The following SLTM variants were observed in gnomAD, a reference collection of about 807,000 sequenced individuals.
SLTM encodes the protein SAFB like transcription modulator, also known as SAFB-like transcription modulator.
SLTM carries 43 observed loss-of-function variants against 134.6 expected under a neutral mutation model. The observed-to-expected ratio is 0.32, with a 90% CI of 0.25 to 0.41. The LOEUF is 0.41. Among genes scored for constraint, SLTM ranks in the 10% least tolerant of loss-of-function variants. The probability of loss-of-function intolerance (pLI) is 1.00; values close to 1 mark genes in which losing one functional copy is unlikely to be tolerated. For missense variants in SLTM, 1,055 were observed against 1,288.8 expected, an observed-to-expected ratio of 0.82 and a Z score of 2.78; for synonymous variants, 424 against 432.3, an observed-to-expected ratio of 0.98 and a Z score of 0.24.
In SLTM at chr15:58,887,409, T is replaced by G. The variant is rs1340027301; in HGVS notation, c.2507A>C (p.Asn836Thr). 1 of 1,614,004 alleles carries G rather than the reference T, an allele frequency of 6.2e-7. No homozygotes were observed. The highest frequency in any genetic ancestry group is 8.5e-7 in the Non-Finnish European group (1 of 1,180,036). The stretch of plus-strand genomic sequence containing the variant: ...TCGCCTGTCTGATTCTCTAAGTTCA[T>G]TTCTTGGTGGTGGAGGCTCATTTCT... Reference protein sequence around the residue: ...SRRNEPPPPRNELRESDRREV... With the variant: ...SRRNEPPPPRTELRESDRREV... The change falls in exon 18 of 21, where the codon AAT becomes ACT. Residue 836 changes from asparagine to threonine, a missense_variant. Physicochemically the swap from Asn to Thr is moderately conservative, Grantham distance 65. Transcript: ENST00000380516.
chr15:58,904,282 A>T (rs1567131545), intron 5 of SLTM, among the ~76,000 whole-genome samples: 1 of 152,318 alleles, frequency 6.6e-6, no homozygotes, highest in East Asian at 1.9e-4. Context: ...AAGTGCTGGG[A>T]TTACAGGCAT....
In SLTM at chr15:58,892,118, G is replaced by A. The variant is rs553886095; in HGVS notation, c.1898+779C>T. Among the ~76,000 whole-genome samples the A allele has an allele frequency of 1.1e-3, 175 of 152,264 alleles. 1 individual carries two copies. The highest frequency in any genetic ancestry group is 3.3e-3 in the African/African-American group (136 of 41,552). On this transcript the variant is annotated intron_variant, in intron 14 of 20. Coordinates refer to ENST00000380516, the MANE Select transcript of SLTM (RefSeq NM_024755.4). ...ATCTCTGGTAGTTCCTAACGCTGTC[G>A]TCAATGAATGGATGAAATCCCATGA...
chr15:58,914,264 G>A (rs1244126508), intron 3 of SLTM, among the ~76,000 whole-genome samples: 1 of 152,188 alleles, frequency 6.6e-6, no homozygotes, highest in Non-Finnish European at 1.5e-5. Flanking sequence ...TGAATATATG[G>A]TACTTCAGTG....
Position 58,893,067 on chromosome 15 carries a change from A to G in SLTM, c.1735-7T>C, listed in dbSNP as rs1394780594. 3.8e-6 allele frequency: 6 copies of G among 1,566,568 alleles called. No homozygotes were observed. The highest frequency in any genetic ancestry group is 2.2e-5 in the Admixed American group (1 of 45,568). On this transcript the variant is annotated splice_polypyrimidine_tract_variant and splice_region_variant and intron_variant, in intron 13 of 20. Transcript: ENST00000380516. The stretch of plus-strand genomic sequence containing the variant: ...CCTTACTTCTTCCATGAATCTGTAG[A>G]AAAAAATTAGAAGAACACTAGAAAT...
intron 2 of SLTM, among the ~76,000 whole-genome samples, chr15:58,920,926 G>A (rs1348343644): frequency 6.6e-6 from 1 of 152,082 alleles, no homozygotes; most frequent in African/African-American, 2.4e-5. Flanking sequence ...GTGCACTCTA[G>A]CCTTGGCAAC....
intron 2 of SLTM, among the ~76,000 whole-genome samples, chr15:58,923,261 T>C (rs1273183057): frequency 6.6e-6 from 1 of 152,010 alleles, no homozygotes; most frequent in Non-Finnish European, 1.5e-5. Context: ...GGGGGGCCGA[T>C]GTGGGAGGAT....
intron 19 of SLTM, among the ~76,000 whole-genome samples, chr15:58,884,686 A>G (rs539543634): frequency 7.2e-5 from 11 of 151,758 alleles, no homozygotes; most frequent in Non-Finnish European, 1.3e-4. Flanking sequence ...GTTGGAGTAC[A>G]GTGTTGCTAC....
intron 2 of SLTM, among the ~76,000 whole-genome samples, chr15:58,930,251 C>T (rs543112823): frequency 4.1e-4 from 61 of 150,024 alleles, no homozygotes; most frequent in African/African-American, 1.4e-3. Context: ...GTAGCTGGGA[C>T]TACAGGCACG....
intron 6 of SLTM, among the ~76,000 whole-genome samples, chr15:58,900,151 A>G (rs1358188928): frequency 6.6e-6 from 1 of 152,086 alleles, no homozygotes; most frequent in Non-Finnish European, 1.5e-5. Flanking sequence ...CTCTACATAC[A>G]AACACCAAAC....
At chr15:58,880,862 G>A (rs896081843) in intron 20 of SLTM, among the ~76,000 whole-genome samples, 3 of 151,736 alleles carry the variant, frequency 2.0e-5, no homozygotes, top group Non-Finnish European at 4.4e-5. Flanking sequence ...CACCACGCCC[G>A]GCCAACCTGT....
chr15:58,917,464 C>G (rs1019533909), intron 2 of SLTM, among the ~76,000 whole-genome samples: 8 of 152,192 alleles, frequency 5.3e-5, no homozygotes, highest in African/African-American at 1.4e-4. Flanking sequence ...ATCTTACAAT[C>G]CATCAGGTGG....
At chr15:58,919,476 G>A (rs760777612) in intron 2 of SLTM, among the ~76,000 whole-genome samples, 4 of 151,882 alleles carry the variant, frequency 2.6e-5, no homozygotes, top group South Asian at 4.2e-4. Flanking sequence ...GGTGTATGCC[G>A]GTAGTCCCAG....
intron 5 of SLTM, among the ~76,000 whole-genome samples, chr15:58,906,801 G>T (rs577484135): frequency 5.3e-5 from 8 of 152,204 alleles, no homozygotes; most frequent in Non-Finnish European, 1.2e-4. Context: ...GTGTAAGACT[G>T]CTGTTTTTAG....
intron 13 of SLTM, 52 bp downstream of exon 13, chr15:58,893,227 T>C (rs2034804725): frequency 1.3e-6 from 2 of 1,496,016 alleles, no homozygotes; most frequent in African/African-American, 2.8e-5. Flanking sequence ...CAGAATTATC[T>C]TCTTTTGTAA....
chr15:58,897,896 T>G (rs1220647658), intron 8 of SLTM: 2 of 152,100 alleles, frequency 1.3e-5, no homozygotes, highest in Admixed American at 6.5e-5. Flanking sequence ...AAATTATGGC[T>G]TCATATGTAT....
rs754981864 is a variant in SLTM at position 58,913,744 on chromosome 15, G to A, written c.316-48C>T. 2.7e-6 allele frequency: 4 copies of A among 1,471,578 alleles called. No individual in the cohort carries two copies. In the East Asian group the frequency reaches 9.1e-5, roughly 33 times the overall value. 91.2% of individuals were successfully genotyped at this position (1,471,578 alleles called of 1,614,324 possible). On this transcript the variant is annotated intron_variant, in intron 3 of 20. Coordinates refer to ENST00000380516, the MANE Select transcript of SLTM (RefSeq NM_024755.4). ...GTACAACTAGAGGCAAAGTAGTGTG[G>A]GCTATCCACCAAACGTTTTTGGTAA...
chr15:58,907,834 T>C (rs540184446), intron 5 of SLTM, among the ~76,000 whole-genome samples: 36 of 152,172 alleles, frequency 2.4e-4, no homozygotes, highest in African/African-American at 8.0e-4. Context: ...AATTGACTAA[T>C]AGAGAACCTG....
chr15:58,922,375 C>A (rs1434787289), intron 2 of SLTM, among the ~76,000 whole-genome samples: 2 of 6,344 alleles, frequency 3.2e-4, no homozygotes, highest in South Asian at 5.0e-3. Flanking sequence ...AAAACTCTGC[C>A]TCAAAAAAAA....
In SLTM at chr15:58,887,661, A is replaced by G. The variant is rs557829711; in HGVS notation, c.2376-121T>C. The G allele has an allele frequency of 1.3e-4, 190 of 1,462,874 alleles. No individual in the cohort carries two copies. The South Asian group carries it at 1.7e-3, about 13-fold the overall frequency. The allele number at this position is 1,462,874 out of a possible 1,614,324, so 90.6% of individuals were successfully genotyped here. ...CAAAAAATGAACTTAAGGCAAAGCC[A>G]TGGAAAAAAGCTAGTTATTGATTAT... On this transcript the variant is annotated intron_variant, in intron 17 of 20. Coordinates refer to ENST00000380516, the MANE Select transcript of SLTM (RefSeq NM_024755.4).
Sources: gnomAD v4.1 joint callset for allele counts (sites outside exome capture counted in the v4.1 genomes callset) on GRCh38, gnomAD v4.1.1 for gene constraint, MANE v1.5 for transcripts, NCBI Gene and HGNC (gene_info 2026-07-23, HGNC 2026-07-21) for gene names.